Variants in ANKDD1B observed in about 807,000 individuals in gnomAD.
The protein encoded by ANKDD1B is ankyrin repeat and death domain-containing protein 1B.
A neutral mutation model predicts 59.7 loss-of-function variants in ANKDD1B; 57 were observed. That is an observed-to-expected ratio of 0.95 (90% confidence interval 0.77 to 1.19). The LOEUF (loss-of-function observed/expected upper bound fraction) is 1.19, where lower values mean the gene tolerates loss of function less well. Ranked by LOEUF, ANKDD1B falls within the 50% of genes most tolerant of loss-of-function variation. The pLI is 0.00. For missense variants in ANKDD1B, 602 were observed against 641.9 expected (o/e 0.94, Z 0.67); for synonymous variants, 216 against 239.5 (o/e 0.90, Z 0.91).
chr5:75,671,404 A>AACTTGG lies in ANKDD1B; in HGVS notation c.*365_*370dup, dbSNP rs1335826601. Reference sequence around the variant, plus strand: ...TTTATAATAGACAAATATGGTTTTGAACTTGGTTTTGCCACTTATTAGATG... The same window carrying AACTTGG: ...TTTATAATAGACAAATATGGTTTTGAACTTGGACTTGGTTTTGCCACTTATTAGATG... On this transcript the variant is annotated 3_prime_UTR_variant, in exon 14 of 14. Transcript: ENST00000601380. 1 of 157,834 alleles carries AACTTGG rather than the reference A, an allele frequency of 6.3e-6. No homozygotes were observed. The highest frequency in any genetic ancestry group is 2.4e-5 in the African/African-American group (1 of 41,768). The allele number at this position is 157,834 out of a possible 1,614,324, so 9.8% of individuals were successfully genotyped here.
chr5:75,648,847 A>G (rs1031349175), intron 7 of ANKDD1B, among the ~76,000 whole-genome samples: 3 of 152,154 alleles, frequency 2.0e-5, no homozygotes, highest in African/African-American at 7.2e-5. Flanking sequence ...GCTGTGTTTG[A>G]TCTTGGACAC....
At chr5:75,641,827 C>T (rs1357825232) in intron 7 of ANKDD1B, among the ~76,000 whole-genome samples, 2 of 152,144 alleles carry the variant, frequency 1.3e-5, no homozygotes, top group Non-Finnish European at 2.9e-5. Context: ...TTTAACCACA[C>T]ATGGAAAATT....
chr5:75,620,993 A>C (rs1863935), intron 3 of ANKDD1B, among the ~76,000 whole-genome samples: 8 of 152,052 alleles, frequency 5.3e-5, no homozygotes, highest in Non-Finnish European at 1.2e-4. Context: ...AGGACCAAGT[A>C]GGGGAGGGTA....
chr5:75,611,980 C>G (rs959676438), intron 1 of ANKDD1B, among the ~76,000 whole-genome samples, 153 bp downstream of exon 1: 1 of 152,134 alleles, frequency 6.6e-6, no homozygotes, highest in Admixed American at 6.5e-5. Flanking sequence ...CAGCCTGCAC[C>G]GCTGCACTCC....
In ANKDD1B at chr5:75,611,534, C is replaced by A; in HGVS notation, c.-101C>A. 1 of 995,330 alleles carries A rather than the reference C, an allele frequency of 1.0e-6. No individual in the cohort carries two copies. The highest frequency in any genetic ancestry group is 1.3e-6 in the Non-Finnish European group (1 of 773,306). 61.7% of individuals were successfully genotyped at this position (995,330 alleles called of 1,614,324 possible). On this transcript the variant is annotated 5_prime_UTR_variant, in exon 1 of 14. Transcript: ENST00000601380. ...CTGACCTGCCTGCGTCCAGCCCCCG[C>A]GCCCTGGGCCTGCCTGGGTCTGGAT...
chr5:75,646,717 C>A (rs1774637278), intron 7 of ANKDD1B, among the ~76,000 whole-genome samples: 1 of 62,168 alleles, frequency 1.6e-5, no homozygotes, highest in Non-Finnish European at 2.6e-5. Context: ...ATCAAGCTAC[C>A]AATGACTTTC....
chr5:75,618,787 C>T (rs918187379), intron 2 of ANKDD1B, among the ~76,000 whole-genome samples: 14 of 152,182 alleles, frequency 9.2e-5, no homozygotes, highest in African/African-American at 2.6e-4. Context: ...GTGCTGTCAC[C>T]GAGGCTGGAG....
At position 75,630,276 on chromosome 5, in the gene ANKDD1B, C is replaced by G. The variant is rs140866254; in HGVS notation, c.600+4321C>G. On this transcript the variant is annotated intron_variant, in intron 5 of 13. Transcript: ENST00000601380. ...ATCTTTGAAATTCCTGTTATTTTGT[C>G]TAATAATATGTACTCAATGAGAGAA... 3.4e-3 allele frequency among the ~76,000 whole-genome samples: 517 copies of G among 152,274 alleles called. 6 individuals carry two copies. The highest frequency in any genetic ancestry group is 0.011 in the African/African-American group (470 of 41,568).
At chr5:75,622,190 TCA>T (rs1331960136) in intron 3 of ANKDD1B, among the ~76,000 whole-genome samples, 57 of 152,318 alleles carry the variant, frequency 3.7e-4, no homozygotes, top group East Asian at 1.5e-3. Context: ...TGCATATGTC[TCA>T]GTGTCAACTA....
chr5:75,665,054 C>T (rs994144729), intron 11 of ANKDD1B, among the ~76,000 whole-genome samples: 2 of 152,128 alleles, frequency 1.3e-5, no homozygotes, highest in Non-Finnish European at 1.5e-5. Flanking sequence ...TCCATTTATC[C>T]ATTAACCTAA....
intron 10 of ANKDD1B, among the ~76,000 whole-genome samples, chr5:75,661,809 TCTC>T (rs1429525864): frequency 1.3e-5 from 2 of 151,960 alleles, no homozygotes; most frequent in East Asian, 1.9e-4. Context: ...TTTCCCTTCT[TCTC>T]CTTTCTTTTC....
intron 7 of ANKDD1B, among the ~76,000 whole-genome samples, chr5:75,638,373 C>T (rs1264876281): frequency 6.6e-6 from 1 of 152,134 alleles, no homozygotes; most frequent in Non-Finnish European, 1.5e-5. Flanking sequence ...GGATATCATT[C>T]ATAATGTTTG....
At chr5:75,661,049 T>G (rs1032124362) in intron 10 of ANKDD1B, among the ~76,000 whole-genome samples, 1 of 151,896 alleles carries the variant, frequency 6.6e-6, no homozygotes, top group Non-Finnish European at 1.5e-5. Context: ...CTTTTCTCTG[T>G]GTGTCAGTTT....
intron 9 of ANKDD1B, among the ~76,000 whole-genome samples, chr5:75,656,873 A>C (rs934488642): frequency 6.6e-6 from 1 of 152,192 alleles, no homozygotes; most frequent in Admixed American, 6.5e-5. Context: ...TGCAGTGGGC[A>C]TGCCTGCCTG....
chr5:75,669,968 C>G lies in ANKDD1B; in HGVS notation c.1525+585C>G, dbSNP rs1775430200. On this transcript the variant is annotated intron_variant, in intron 13 of 13. Transcript: ENST00000601380. ...TAGCTCTCATGTAATAACAAGCATT[C>G]AAGCAAAATACAGGAACATCTGCCA... Among the ~76,000 whole-genome samples the G allele has an allele frequency of 1.3e-5, 2 of 152,282 alleles. 1 individual carries two copies. The highest frequency in any genetic ancestry group is 3.9e-4 in the East Asian group (2 of 5,178).
At chr5:75,663,245 T>TAA in intron 10 of ANKDD1B, 149 bp from the exon 11 acceptor site, 3 of 632,744 alleles carry the variant, frequency 4.7e-6, no homozygotes, top group Non-Finnish European at 8.3e-6. Context: ...GGGGTAGTTA[T>TAA]AAAGACCCAA....
At chr5:75,653,345 A>C in intron 8 of ANKDD1B, 105 bp downstream of exon 8, 1 of 740,348 alleles carries the variant, frequency 1.4e-6, no homozygotes, top group South Asian at 1.7e-5. Context: ...ATGTTTCACA[A>C]GGGAGGAATT....
In ANKDD1B at chr5:75,616,894, A is replaced by G. The variant is rs961058977; in HGVS notation, c.284A>G (p.Asn95Ser). 2 of 1,509,230 alleles carry G rather than the reference A, an allele frequency of 1.3e-6. No individual in the cohort carries two copies. Among genetic ancestry groups the G allele is most frequent in the African/African-American group, 2.8e-5 (2 of 72,462 alleles). The allele number at this position is 1,509,230 out of a possible 1,614,324, so 93.5% of individuals were successfully genotyped here. Residue 95 changes from asparagine to serine, a missense_variant, in exon 2 of 14, where the codon AAT becomes AGT. Physicochemically the swap from Asn to Ser is conservative, Grantham distance 46. Transcript: ENST00000601380. ...CTGTTTGAAAAGAAGGTTAACATTA[A>G]TGTTGTGAACAATGTGAGTAGAAGT... ...EKLFEKKVNI[N>S]VVNNMNRTAL... is the part of the protein sequence containing the mutation.
intron 10 of ANKDD1B, among the ~76,000 whole-genome samples, chr5:75,662,407 G>A (rs957610219): frequency 1.2e-4 from 18 of 152,212 alleles, no homozygotes; most frequent in Non-Finnish European, 2.4e-4. Context: ...GGTGGGAATC[G>A]CACTTGTTGC....
Sources: gnomAD v4.1 joint callset for allele counts (sites outside exome capture counted in the v4.1 genomes callset) on GRCh38, gnomAD v4.1.1 for gene constraint, MANE v1.5 for transcripts, NCBI Gene and HGNC (gene_info 2026-07-23, HGNC 2026-07-21) for gene names.